Variants in LIFR observed in about 807,000 individuals in gnomAD.
LIFR encodes the protein leukemia inhibitory factor receptor.
LIFR carries 84 observed loss-of-function variants against 122.2 expected under a neutral mutation model. That is an observed-to-expected ratio of 0.69 (90% CI 0.58 to 0.82). LIFR has a LOEUF of 0.82. Ranked by LOEUF, LIFR falls within the 40% of genes least tolerant of loss-of-function variation. The pLI, the probability that LIFR is intolerant of heterozygous loss-of-function variation, is 0.00. For synonymous variants in LIFR, 422 were observed against 434.7 expected, an observed-to-expected ratio of 0.97 and a Z score of 0.36; for missense variants, 1,294 against 1,311.6, an observed-to-expected ratio of 0.99 and a Z score of 0.21.
rs778888227 is a variant in LIFR, at chr5:38,478,220, T to C, written c.*3375A>G. 1.4e-4 allele frequency: 30 copies of C among 206,934 alleles called. No homozygotes were observed. Among genetic ancestry groups the C allele is most frequent in the Non-Finnish European group, 2.0e-5 (2 of 101,552 alleles). The allele number at this position is 206,934 out of a possible 1,614,324, so 12.8% of individuals were successfully genotyped here. A position where few individuals can be genotyped will look rare whatever the true frequency, so the allele number is the denominator to read the frequency against. On this transcript the variant is annotated 3_prime_UTR_variant, in exon 20 of 20. Transcript: ENST00000453190. ...ACTTATTTCCAACAAGAATACAATATGCATGAAGTTTTGAAAATGTGACTT... is the reference window on the plus strand; with the variant it reads ...ACTTATTTCCAACAAGAATACAATACGCATGAAGTTTTGAAAATGTGACTT...
At chr5:38,539,882 T>C (rs1747493686) in intron 1 of LIFR, among the ~76,000 whole-genome samples, 1 of 152,184 alleles carries the variant, frequency 6.6e-6, no homozygotes, top group Non-Finnish European at 1.5e-5. Context: ...CTTTTCTAAG[T>C]TCTTTCAATG....
At chr5:38,490,959 T>C (rs549962283) in intron 14 of LIFR, among the ~76,000 whole-genome samples, 9 of 152,156 alleles carry the variant, frequency 5.9e-5, no homozygotes, top group Non-Finnish European at 1.2e-4. Context: ...ACATCATGCC[T>C]CTATAAATCC....
At chr5:38,547,320 A>C (rs995353315) in intron 1 of LIFR, among the ~76,000 whole-genome samples, 2 of 152,092 alleles carry the variant, frequency 1.3e-5, no homozygotes, top group African/African-American at 2.4e-5. Flanking sequence ...AACTCTCCTA[A>C]ATTTGTTCTT....
intron 1 of LIFR, among the ~76,000 whole-genome samples, chr5:38,589,931 A>G (rs1463934056): frequency 1.3e-5 from 2 of 152,158 alleles, no homozygotes; most frequent in Non-Finnish European, 2.9e-5. Flanking sequence ...CTCTTATCTA[A>G]TTGGAACCAA....
At chr5:38,601,506 T>C (rs1411525755) in intron 2 of LIFR, among the ~76,000 whole-genome samples, 1 of 152,208 alleles carries the variant, frequency 6.6e-6, no homozygotes, top group African/African-American at 2.4e-5. Flanking sequence ...ATTTCTCTCC[T>C]GGACCCTGAG....
intron 19 of LIFR, 81 bp downstream of exon 19, chr5:38,482,508 T>G (rs1161966235): frequency 1.2e-5 from 9 of 774,816 alleles, no homozygotes; most frequent in Non-Finnish European, 1.9e-5. Context: ...AAAATGACAT[T>G]TGCATGTTAA....
At chr5:38,574,498 T>A (rs1749320151) in intron 1 of LIFR, among the ~76,000 whole-genome samples, 1 of 152,214 alleles carries the variant, frequency 6.6e-6, no homozygotes, top group Non-Finnish European at 1.5e-5. Flanking sequence ...CTGCTGGATC[T>A]CCAGTCTTCA....
intron 1 of LIFR, among the ~76,000 whole-genome samples, chr5:38,541,193 G>C (rs140781024): frequency 3.3e-5 from 5 of 152,238 alleles, no homozygotes; most frequent in Admixed American, 1.3e-4. Context: ...TGTAAGAGTG[G>C]AACAGCATAT....
In LIFR at chr5:38,489,254, G is replaced by A; in HGVS notation, c.2168-9C>T. On this transcript the variant is annotated splice_polypyrimidine_tract_variant and intron_variant, in intron 15 of 19. Coordinates refer to ENST00000453190, the MANE Select transcript of LIFR (RefSeq NM_001127671.2). ...TGGTGCAACAATGGGAGCTGTAAAA[G>A]GAAAAAGTCAATTGCTAAAGGGGAG... is the stretch of plus-strand genomic sequence containing the variant. 3 of 1,609,300 alleles carry A rather than the reference G, an allele frequency of 1.9e-6. No homozygotes were observed. Among genetic ancestry groups the A allele is most frequent in the Non-Finnish European group, 2.5e-6 (3 of 1,177,296 alleles).
chr5:38,500,206 T>C (rs2112446716), intron 11 of LIFR, among the ~76,000 whole-genome samples: 1 of 152,278 alleles, frequency 6.6e-6, no homozygotes, highest in Non-Finnish European at 1.5e-5. Flanking sequence ...GATGTGTATA[T>C]ATATAAATTT....
At chr5:38,506,157 T>C in intron 8 of LIFR, 83 bp from the exon 9 acceptor site, 1 of 888,180 alleles carries the variant, frequency 1.1e-6, no homozygotes, top group Non-Finnish European at 1.8e-6. Context: ...AATACTTAAT[T>C]TGTATAAAAA....
chr5:38,569,528 T>C (rs963908156), intron 1 of LIFR, among the ~76,000 whole-genome samples: 11 of 152,194 alleles, frequency 7.2e-5, no homozygotes, highest in Admixed American at 5.2e-4. Flanking sequence ...GGGATCTAGG[T>C]TGCATACTCC....
intron 16 of LIFR, 57 bp from the exon 17 acceptor site, chr5:38,486,037 T>C: frequency 2.7e-6 from 4 of 1,503,572 alleles, no homozygotes; most frequent in Non-Finnish European, 3.7e-6. Flanking sequence ...AAATGCATGG[T>C]TACCCACACC....
chr5:38,571,770 T>TA (rs1749221413), intron 1 of LIFR, among the ~76,000 whole-genome samples: 1 of 152,190 alleles, frequency 6.6e-6, no homozygotes, highest in Non-Finnish European at 1.5e-5. Context: ...TAAACAACCT[T>TA]AAAAATGTGT....
At chr5:38,574,356 A>C (rs987299542) in intron 1 of LIFR, among the ~76,000 whole-genome samples, 3 of 151,380 alleles carry the variant, frequency 2.0e-5, no homozygotes, top group African/African-American at 7.3e-5. Flanking sequence ...TGCCTCAGAC[A>C]CTCCTCCCAG....
At chr5:38,570,508 C>G (rs1443840838) in intron 1 of LIFR, among the ~76,000 whole-genome samples, 2 of 151,954 alleles carry the variant, frequency 1.3e-5, no homozygotes, top group African/African-American at 4.8e-5. Context: ...TTTCCTGAGG[C>G]TTTTTCGGTC....
At chr5:38,565,759 G>A (rs1749003124) in intron 1 of LIFR, among the ~76,000 whole-genome samples, 2 of 152,052 alleles carry the variant, frequency 1.3e-5, no homozygotes, top group Non-Finnish European at 1.5e-5. Flanking sequence ...GGCTAATTTT[G>A]TATTTTTAGT....
chr5:38,503,573 T>G (rs1225592404), intron 10 of LIFR, among the ~76,000 whole-genome samples: 6 of 152,200 alleles, frequency 3.9e-5, no homozygotes, highest in African/African-American at 1.4e-4. Flanking sequence ...TAAAATGTAT[T>G]AAAAAGTCAT....
intron 1 of LIFR, among the ~76,000 whole-genome samples, chr5:38,538,922 C>T (rs1314692876): frequency 6.6e-6 from 1 of 152,234 alleles, no homozygotes; most frequent in African/African-American, 2.4e-5. Flanking sequence ...TCTTCTTCCA[C>T]CTCCTCTACT....
Sources: allele counts gnomAD v4.1 joint callset (sites outside exome capture counted in the v4.1 genomes callset), GRCh38; gene constraint gnomAD v4.1.1; transcripts MANE v1.5; gene names NCBI Gene and HGNC (gene_info 2026-07-23, HGNC 2026-07-21).